The following GTF2IRD1 variants were observed in gnomAD, a reference collection of about 807,000 sequenced individuals.
GTF2IRD1 encodes GTF2I repeat domain containing 1.
In GTF2IRD1, 26 loss-of-function variants were observed where a neutral mutation model predicts 113.2. The ratio of observed to expected loss-of-function variants is 0.23; its 90% confidence interval spans 0.17 to 0.32. The LOEUF (loss-of-function observed/expected upper bound fraction) is 0.32, where lower values mean the gene tolerates loss of function less well. Ranked by LOEUF, GTF2IRD1 falls within the 10% of genes least tolerant of loss-of-function variation. GTF2IRD1 has a pLI of 1.00. For missense variants in GTF2IRD1, 864 were observed against 1,280.8 expected, an observed-to-expected ratio of 0.67 and a Z score of 4.97; for synonymous variants, 484 against 529.1, an observed-to-expected ratio of 0.91 and a Z score of 1.17.
intron 1 of GTF2IRD1, among the ~76,000 whole-genome samples, chr7:74,490,542 A>ACCCCCCCC (rs66883639): frequency 3.1e-5 from 4 of 129,886 alleles, no homozygotes; most frequent in Non-Finnish European, 6.7e-5. Context: ...GAGAAAGGAT[A>ACCCCCCCC]CCCCCCCCCC....
intron 22 of GTF2IRD1, among the ~76,000 whole-genome samples, chr7:74,562,543 G>A (rs1278108141): frequency 3.8e-5 from 5 of 131,212 alleles, no homozygotes; most frequent in Non-Finnish European, 4.8e-5. Flanking sequence ...ACTATTTTCC[G>A]CCAATTGCCC....
chr7:74,492,161 T>G (rs1164634321), intron 1 of GTF2IRD1, among the ~76,000 whole-genome samples: 1 of 150,022 alleles, frequency 6.7e-6, no homozygotes, highest in Non-Finnish European at 1.5e-5. Flanking sequence ...ACACTACCAT[T>G]CCCGGCTAAT....
chr7:74,523,983 G>C, intron 7 of GTF2IRD1, 88 bp from the exon 8 acceptor site: 1 of 894,470 alleles, frequency 1.1e-6, no homozygotes, highest in Non-Finnish European at 1.8e-6. Context: ...GGGGGCTCTG[G>C]GGGTGAAAGC....
In GTF2IRD1 at chr7:74,508,111, C is replaced by T; in HGVS notation, c.31C>T (p.Pro11Ser). MALLGKRCDV[P>S]TNGCGPDRWN... ...CTTGCTGGGTAAGCGCTGTGACGTC[C>T]CCACCAACGGCTGCGGACCCGACCG... is the stretch of plus-strand genomic sequence containing the variant. Residue 11 changes from proline to serine, a missense_variant, in exon 2 of 27, where the codon CCC becomes TCC. By Grantham distance (74) the Pro-to-Ser change is moderately conservative. Transcript: ENST00000424337. The T allele has an allele frequency of 1.2e-6, 2 of 1,610,378 alleles. No individual in the cohort carries two copies. Among genetic ancestry groups the T allele is most frequent in the Non-Finnish European group, 1.7e-6 (2 of 1,179,966 alleles).
chr7:74,528,603 A>G (rs1456098003), intron 8 of GTF2IRD1, among the ~76,000 whole-genome samples: 2 of 140,238 alleles, frequency 1.4e-5, no homozygotes, highest in African/African-American at 5.3e-5. Flanking sequence ...CAGACACAGC[A>G]GGGGAGGGAA....
chr7:74,529,890 G>A lies in GTF2IRD1; in HGVS notation c.1247G>A (p.Arg416His). ...AAGCTGAAGCGGATCCTGGAGGAGC[G>A]CCATAGTATCCACTTCATCATTAAG... ...VPKLKRILEE[R>H]HSIHFIIKRM... The change falls in exon 9 of 27, where the codon CGC becomes CAC. Residue 416 changes from arginine (R) to histidine (H), a missense_variant. By Grantham distance (29) the Arg-to-His change is conservative. Coordinates refer to ENST00000424337, the MANE Select transcript of GTF2IRD1 (RefSeq NM_005685.4). 6.2e-7 allele frequency: 1 copy of A among 1,613,800 alleles called. No homozygotes were observed. Among genetic ancestry groups the A allele is most frequent in the Non-Finnish European group, 8.5e-7 (1 of 1,179,924 alleles).
chr7:74,562,555 CTTTTTT>C (rs1167468655), intron 22 of GTF2IRD1, among the ~76,000 whole-genome samples: 179 of 62,696 alleles, frequency 2.9e-3, no homozygotes, highest in African/African-American at 0.014. Flanking sequence ...CAATTGCCCT[CTTTTTT>C]TTTTTTTTTT....
At chr7:74,533,070 G>T (rs1369398396) in intron 9 of GTF2IRD1, among the ~76,000 whole-genome samples, 4 of 151,570 alleles carry the variant, frequency 2.6e-5, no homozygotes, top group Non-Finnish European at 5.9e-5. Context: ...GCCCAGCCCC[G>T]CCCTCTCAGA....
At chr7:74,598,284 G>GA (rs1344254880) in intron 25 of GTF2IRD1, among the ~76,000 whole-genome samples, 4 of 151,844 alleles carry the variant, frequency 2.6e-5, no homozygotes, top group Non-Finnish European at 5.9e-5. Context: ...ATCTGGAGGC[G>GA]ATTTGGTTTA....
chr7:74,462,662 C>A (rs1554329669), intron 1 of GTF2IRD1, among the ~76,000 whole-genome samples: 2 of 152,208 alleles, frequency 1.3e-5, no homozygotes, highest in Non-Finnish European at 2.9e-5. Flanking sequence ...TTCTCATTTT[C>A]ACAAAGGCAC....
rs782632986 is a variant in GTF2IRD1 at position 74,601,031 on chromosome 7, C to T, written c.2630-13C>T. ...CAGCTTCCAGTGTCAACAGCCTTTTCCCCTCCTTCCAGCCAAAGACAGCAG... is the reference window on the plus strand; with the variant it reads ...CAGCTTCCAGTGTCAACAGCCTTTTTCCCTCCTTCCAGCCAAAGACAGCAG... On this transcript the variant is annotated splice_polypyrimidine_tract_variant and intron_variant, in intron 25 of 26. Transcript: ENST00000424337. 1.2e-6 allele frequency: 2 copies of T among 1,614,012 alleles called. No individual in the cohort carries two copies. The highest frequency in any genetic ancestry group is 2.2e-5 in the East Asian group (1 of 44,876).
intron 1 of GTF2IRD1, among the ~76,000 whole-genome samples, chr7:74,470,279 C>T (rs1373083651): frequency 6.6e-6 from 1 of 152,308 alleles, no homozygotes; most frequent in African/African-American, 2.4e-5. Context: ...AGCCACCACA[C>T]ACGGCCAAAT....
At chr7:74,498,589 C>T (rs377089263) in intron 1 of GTF2IRD1, among the ~76,000 whole-genome samples, 2 of 152,192 alleles carry the variant, frequency 1.3e-5, no homozygotes, top group East Asian at 1.9e-4. Context: ...TCAGGGAAGC[C>T]TTATTTGTCA....
intron 3 of GTF2IRD1, among the ~76,000 whole-genome samples, chr7:74,513,398 C>T (rs1796748312): frequency 6.6e-6 from 1 of 152,136 alleles, no homozygotes; most frequent in Non-Finnish European, 1.5e-5. Flanking sequence ...CTCTGCCTCC[C>T]AGGTTCAAGT....
Position 74,576,617 on chromosome 7 carries a change from C to CTTTTTTTTT in GTF2IRD1, c.2321-13210_2321-13202dup, listed in dbSNP as rs1165378230. ...TCTAGGGGAAAATCTATTTCCTTGT[C>CTTTTTTTTT]TTTTTTTTTTTTTTTTTTTTTTTTT... On this transcript the variant is annotated intron_variant, in intron 22 of 26. Coordinates refer to ENST00000424337, the MANE Select transcript of GTF2IRD1 (RefSeq NM_005685.4). Among the ~76,000 whole-genome samples, 29 of 49,350 alleles carry CTTTTTTTTT rather than the reference C, an allele frequency of 5.9e-4. 4 individuals are homozygous for CTTTTTTTTT. The highest frequency in any genetic ancestry group is 7.6e-4 in the Non-Finnish European group (22 of 28,926). 32.4% of individuals were successfully genotyped at this position (49,350 alleles called of 152,430 possible).
In GTF2IRD1 at chr7:74,515,321, C is replaced by CA. The variant is rs1403213426; in HGVS notation, c.266-120_266-119insA. ...CATTAATTCTTCATTCATTCATTCACTTGTGTATCACATTGTGTGCCAGTC... is the reference window on the plus strand; with the variant it reads ...CATTAATTCTTCATTCATTCATTCACATTGTGTATCACATTGTGTGCCAGTC... On this transcript the variant is annotated intron_variant, in intron 3 of 26. Coordinates refer to ENST00000424337, the MANE Select transcript of GTF2IRD1 (RefSeq NM_005685.4). The CA allele has an allele frequency of 2.0e-6, 3 of 1,523,728 alleles. No individual in the cohort carries two copies. The African/African-American group carries it at 4.1e-5, about 21-fold the overall frequency. The allele number at this position is 1,523,728 out of a possible 1,614,324, so 94.4% of individuals were successfully genotyped here. A position where few individuals can be genotyped will look rare whatever the true frequency, so the allele number is the denominator to read the frequency against.
At chr7:74,502,896 G>T (rs1554339872) in intron 1 of GTF2IRD1, among the ~76,000 whole-genome samples, 1 of 152,072 alleles carries the variant, frequency 6.6e-6, no homozygotes, top group Non-Finnish European at 1.5e-5. Flanking sequence ...GCTGGGCGCG[G>T]TGGCTCACGC....
chr7:74,513,761 T>C (rs1796767414), intron 3 of GTF2IRD1, among the ~76,000 whole-genome samples: 2 of 152,192 alleles, frequency 1.3e-5, no homozygotes, highest in Non-Finnish European at 2.9e-5. Context: ...TCTGTAGTCC[T>C]AGCACTTCGG....
intron 1 of GTF2IRD1, among the ~76,000 whole-genome samples, chr7:74,482,251 C>T (rs572437186): frequency 3.1e-4 from 36 of 116,530 alleles, no homozygotes; most frequent in African/African-American, 8.0e-4. Flanking sequence ...TTTTTTGAGA[C>T]GGGCCTCCTT....
Sources: gnomAD v4.1 joint callset for allele counts (sites outside exome capture counted in the v4.1 genomes callset) on GRCh38, gnomAD v4.1.1 for gene constraint, MANE v1.5 for transcripts, NCBI Gene and HGNC (gene_info 2026-07-23, HGNC 2026-07-21) for gene names.